The following TMEM17 variants were observed in gnomAD, a reference collection of about 807,000 sequenced individuals.
The protein encoded by TMEM17 is transmembrane protein 17.
A neutral mutation model predicts 19.1 loss-of-function variants in TMEM17; 15 were observed. The observed-to-expected ratio is 0.78, with a 90% CI of 0.52 to 1.21. TMEM17 has a LOEUF of 1.21. Ranked by LOEUF, TMEM17 falls within the 50% of genes most tolerant of loss-of-function variation. TMEM17 has a pLI of 0.00. For missense variants in TMEM17, 245 were observed against 242.3 expected (o/e 1.01, Z -0.07); for synonymous variants, 103 against 86.9 (o/e 1.19, Z -1.03).
chr2:62,492,447 G>A, the TMEM17 span, among the ~76,000 whole-genome samples: 18,175 of 152,238 alleles, frequency 0.12, 1,201 homozygotes, highest in East Asian at 0.15. Context: ...TGGGGATCCA[G>A]CAAAATTTGA....
chr2:62,464,825 T>C, the TMEM17 span, among the ~76,000 whole-genome samples: 1 of 152,100 alleles, frequency 6.6e-6, no homozygotes, highest in South Asian at 2.1e-4. Flanking sequence ...GTTGAAGCTA[T>C]CTTCTTGTGC....
the TMEM17 span, among the ~76,000 whole-genome samples, chr2:62,476,021 G>T: frequency 6.6e-6 from 1 of 152,214 alleles, no homozygotes; most frequent in Non-Finnish European, 1.5e-5. Context: ...ACCTACCACG[G>T]TGTCAGAGCT....
At chr2:62,503,314 ACTTC>A (rs1252013149) in intron 1 of TMEM17, among the ~76,000 whole-genome samples, 1 of 152,084 alleles carries the variant, frequency 6.6e-6, no homozygotes, top group Non-Finnish European at 1.5e-5. Context: ...TTCCATCAAT[ACTTC>A]CTTCATCAGT....
downstream of TMEM17, among the ~76,000 whole-genome samples, chr2:62,496,840 G>C (rs769231512): frequency 1.3e-5 from 2 of 152,210 alleles, no homozygotes; most frequent in Non-Finnish European, 1.5e-5. Context: ...GCTCACGCCT[G>C]TAATCCCAGT....
chr2:62,494,938 C>G, the TMEM17 span, among the ~76,000 whole-genome samples: 1 of 152,120 alleles, frequency 6.6e-6, no homozygotes, highest in Non-Finnish European at 1.5e-5. Context: ...TGGTGTGAAC[C>G]TAGGGGGCAG....
chr2:62,487,227 C>G, the TMEM17 span, among the ~76,000 whole-genome samples: 3 of 152,174 alleles, frequency 2.0e-5, no homozygotes, highest in African/African-American at 4.8e-5. Flanking sequence ...ATTTTCTTAC[C>G]TTTTGCCACC....
the TMEM17 span, among the ~76,000 whole-genome samples, chr2:62,454,959 C>A: frequency 1.4e-4 from 21 of 152,184 alleles, no homozygotes; most frequent in African/African-American, 3.9e-4. Context: ...CCCGCCTTGG[C>A]CTTCCAAAGT....
At chr2:62,501,797 T>G in intron 3 of TMEM17, 2 of 228,028 alleles carry the variant, frequency 8.8e-6, no homozygotes, top group Non-Finnish European at 1.7e-5. Flanking sequence ...GGAGGTAGGC[T>G]TTTTAAGTTG....
the TMEM17 span, among the ~76,000 whole-genome samples, chr2:62,480,209 G>A: frequency 1.3e-5 from 2 of 151,874 alleles, no homozygotes; most frequent in East Asian, 1.9e-4. Flanking sequence ...CTATTTGTAA[G>A]TCTTCTTTTG....
chr2:62,481,978 C>A, the TMEM17 span, among the ~76,000 whole-genome samples: 1 of 152,190 alleles, frequency 6.6e-6, no homozygotes, highest in African/African-American at 2.4e-5. Flanking sequence ...GAAAAGCTGG[C>A]ATCCTCTGTC....
At chr2:62,488,073 T>C in the TMEM17 span, among the ~76,000 whole-genome samples, 1 of 152,204 alleles carries the variant, frequency 6.6e-6, no homozygotes, top group African/African-American at 2.4e-5. Flanking sequence ...GCTATTGCTC[T>C]AGATGACAAT....
chr2:62,505,911 G>A, intron 1 of TMEM17, 119 bp downstream of exon 1: 1 of 1,020,216 alleles, frequency 9.8e-7, no homozygotes, highest in African/African-American at 1.7e-5. Context: ...CTCCCGCACT[G>A]CGGAGAACTG....
At chr2:62,488,589 C>T in the TMEM17 span, among the ~76,000 whole-genome samples, 3 of 151,816 alleles carry the variant, frequency 2.0e-5, no homozygotes, top group African/African-American at 7.3e-5. Flanking sequence ...TGACTGCCAT[C>T]CAAACATATA....
the TMEM17 span, chr2:62,491,522 T>C: frequency 3.9e-5 from 6 of 152,440 alleles, no homozygotes; most frequent in African/African-American, 1.2e-4. Flanking sequence ...CTCAGTTAAT[T>C]TGTAGAACTG....
chr2:62,478,509 C>T, the TMEM17 span, among the ~76,000 whole-genome samples: 26 of 152,356 alleles, frequency 1.7e-4, 1 homozygote, highest in Admixed American at 1.6e-3. Flanking sequence ...ATGTGATGGA[C>T]ACCCTCACTC....
the TMEM17 span, among the ~76,000 whole-genome samples, chr2:62,483,388 C>T: frequency 6.6e-6 from 1 of 152,130 alleles, no homozygotes; most frequent in East Asian, 1.9e-4. Flanking sequence ...GGATTACAGG[C>T]TCTGTAGGAA....
At chr2:62,461,377 C>G in the TMEM17 span, among the ~76,000 whole-genome samples, 2 of 152,170 alleles carry the variant, frequency 1.3e-5, no homozygotes, top group African/African-American at 2.4e-5. Context: ...CCAGTTCAGT[C>G]CCCCCAGTCT....
At chr2:62,490,618 C>G in the TMEM17 span, among the ~76,000 whole-genome samples, 1 of 151,976 alleles carries the variant, frequency 6.6e-6, no homozygotes, top group African/African-American at 2.4e-5. Context: ...TCTCATATTT[C>G]GAAGCTTAAA....
Position 62,502,706 on chromosome 2 carries a change from C to T in TMEM17, c.189G>A (p.Met63Ile), listed in dbSNP as rs760351136. Residue 63 changes from methionine (M) to isoleucine (I), a missense_variant, in exon 2 of 4, where the codon ATG becomes ATA. Physicochemically the swap from Met to Ile is conservative, Grantham distance 10. Transcript: ENST00000335390. Reference sequence around the variant, plus strand: ...TTAGATTTACCTTCATGTGAAGCATCATAATGCTGCTCACCCACCACAGTG... The same window carrying T: ...TTAGATTTACCTTCATGTGAAGCATTATAATGCTGCTCACCCACCACAGTG... ...YFPLWWVSSIMMLHMKYSILP... is the reference protein window; with the variant it reads ...YFPLWWVSSIIMLHMKYSILP... 3.7e-6 allele frequency: 6 copies of T among 1,606,602 alleles called. No homozygotes were observed. The highest frequency in any genetic ancestry group is 1.1e-5 in the South Asian group (1 of 89,150).
Sources: gnomAD v4.1 joint callset for allele counts (sites outside exome capture counted in the v4.1 genomes callset) on GRCh38, gnomAD v4.1.1 for gene constraint, MANE v1.5 for transcripts, NCBI Gene and HGNC (gene_info 2026-07-23, HGNC 2026-07-21) for gene names.